The following ELFN1 variants were observed in gnomAD, a reference collection of about 807,000 sequenced individuals.
ELFN1 encodes extracellular leucine rich repeat and fibronectin type III domain containing 1, also known as protein ELFN1.
Under a neutral mutation model 7.6 loss-of-function variants are expected in ELFN1, and 6 were observed. The observed-to-expected ratio is 0.79, with a 90% CI of 0.43 to 1.56. ELFN1 has a LOEUF of 1.56. Ranked by LOEUF, ELFN1 falls within the 40% of genes most tolerant of loss-of-function variation. ELFN1 has a pLI of 0.01. For synonymous variants in ELFN1, 657 were observed against 588.1 expected, an observed-to-expected ratio of 1.12 and a Z score of -1.70; for missense variants, 1,169 against 1,232.2, an observed-to-expected ratio of 0.95 and a Z score of 0.77.
intron 3 of ELFN1, among the ~76,000 whole-genome samples, chr7:1,722,587 G>T (rs573166404): frequency 3.3e-5 from 5 of 152,016 alleles, no homozygotes; most frequent in African/African-American, 9.6e-5. Flanking sequence ...CACTTTTTCA[G>T]TCCAACTTCC....
upstream of ELFN1, among the ~76,000 whole-genome samples, chr7:1,668,114 C>T (rs760056363): frequency 8.9e-4 from 136 of 152,336 alleles, 1 homozygote; most frequent in Non-Finnish European, 1.7e-3. Flanking sequence ...CGGCCCCGCG[C>T]GCGTACCCCT....
chr7:1,717,557 G>T (rs1779872224), intron 3 of ELFN1, among the ~76,000 whole-genome samples: 1 of 152,176 alleles, frequency 6.6e-6, no homozygotes. Flanking sequence ...GCCCCTGGGA[G>T]CCCAGGCCTG....
chr7:1,733,549 C>G (rs1396893476), intron 3 of ELFN1, among the ~76,000 whole-genome samples: 1 of 152,148 alleles, frequency 6.6e-6, no homozygotes. Context: ...TGGAAACATC[C>G]TGGTCACTGA....
chr7:1,697,330 C>T (rs1053499771), intron 2 of ELFN1, among the ~76,000 whole-genome samples: 9 of 152,232 alleles, frequency 5.9e-5, no homozygotes, highest in East Asian at 3.9e-4. Context: ...GAGGAACAGT[C>T]GCGCCCCTGC....
intron 3 of ELFN1, among the ~76,000 whole-genome samples, chr7:1,730,240 C>T (rs576692229): frequency 6.6e-6 from 1 of 152,336 alleles, no homozygotes; most frequent in South Asian, 2.1e-4. Context: ...TGGTGTTTGC[C>T]TGCAGGACTT....
In ELFN1 at chr7:1,745,370, G is replaced by A. The variant is rs544967348; in HGVS notation, c.774G>A (p.Glu258=). The A allele has an allele frequency of 1.6e-4, 253 of 1,539,306 alleles. No individual in the cohort carries two copies. In the African/African-American group the frequency reaches 3.2e-3, roughly 19 times the overall value. The change falls in exon 4 of 4, where the codon GAG becomes GAA. Residue 258 remains glutamate, a synonymous_variant. Coordinates refer to ENST00000424383, the MANE Select transcript of ELFN1 (RefSeq NM_001128636.4). ...GCACCGAGGACTCGTACGCGGCTGA[G>A]GTGGTCGGGCCCCCACGTCCAGCAT... The part of the protein sequence containing the change: ...SVCTEDSYAA[E]VVGPPRPASG...
chr7:1,714,027 G>A (rs1020514821), intron 3 of ELFN1, among the ~76,000 whole-genome samples: 7 of 152,212 alleles, frequency 4.6e-5, no homozygotes, highest in African/African-American at 7.2e-5. Context: ...AGGTCACGCC[G>A]GCTCCCCGAG....
chr7:1,684,577 T>C (rs1779029248), intron 1 of ELFN1, among the ~76,000 whole-genome samples: 1 of 152,232 alleles, frequency 6.6e-6, no homozygotes, highest in East Asian at 1.9e-4. Flanking sequence ...GTAAATACTT[T>C]TCATGTGCCA....
chr7:1,729,337 T>A (rs1016758133), intron 3 of ELFN1, among the ~76,000 whole-genome samples: 1 of 152,218 alleles, frequency 6.6e-6, no homozygotes. Context: ...CAGCTTCTTT[T>A]GCTCAGGGTT....
At chr7:1,670,256 G>A (rs1778737217), upstream of ELFN1, among the ~76,000 whole-genome samples, 1 of 151,746 alleles carries the variant, frequency 6.6e-6, no homozygotes, top group Admixed American at 6.5e-5. This position sits in a 1 kb window ranked among gnomAD's most constrained non-coding sequence, Gnocchi z 6.4. Flanking sequence ...AGATCGATGG[G>A]CGAAGCTGGG....
chr7:1,700,138 G>A (rs1028170740), intron 2 of ELFN1, among the ~76,000 whole-genome samples: 23 of 152,218 alleles, frequency 1.5e-4, no homozygotes, highest in African/African-American at 5.5e-4. Flanking sequence ...AAGTGGGGCT[G>A]CTGGGTGAAA....
At chr7:1,723,988 C>T (rs1280293014) in intron 3 of ELFN1, among the ~76,000 whole-genome samples, 4 of 152,224 alleles carry the variant, frequency 2.6e-5, no homozygotes, top group Non-Finnish European at 4.4e-5. Flanking sequence ...CTGTGAGCCA[C>T]GTGGGATGTG....
intron 2 of ELFN1, among the ~76,000 whole-genome samples, chr7:1,702,402 G>A (rs928210324): frequency 2.7e-5 from 4 of 150,896 alleles, no homozygotes; most frequent in African/African-American, 4.9e-5. Context: ...CATCCTGGGC[G>A]ACAGAACGAG....
intron 2 of ELFN1, among the ~76,000 whole-genome samples, chr7:1,706,287 G>A (rs201398473): frequency 1.3e-5 from 2 of 152,324 alleles, no homozygotes; most frequent in Non-Finnish European, 1.5e-5. Context: ...GCCAGGCATG[G>A]TGGTGGGTGC....
chr7:1,718,944 A>C (rs1779918684), intron 3 of ELFN1, among the ~76,000 whole-genome samples: 1 of 152,124 alleles, frequency 6.6e-6, no homozygotes, highest in East Asian at 1.9e-4. Flanking sequence ...GGTTCTTAGG[A>C]TGGGATGCAC....
At chr7:1,674,691 C>T (rs1396130972) in intron 1 of ELFN1, among the ~76,000 whole-genome samples, 1 of 152,084 alleles carries the variant, frequency 6.6e-6, no homozygotes, top group Non-Finnish European at 1.5e-5. Context: ...AGGACAGACT[C>T]GGGCAGCCAC....
chr7:1,706,200 G>A (rs1437455099), intron 2 of ELFN1, among the ~76,000 whole-genome samples: 1 of 152,196 alleles, frequency 6.6e-6, no homozygotes, highest in Non-Finnish European at 1.5e-5. Context: ...CGAGGTGGGT[G>A]GATCACGAGG....
chr7:1,716,700 A>T (rs568035703), intron 3 of ELFN1, among the ~76,000 whole-genome samples: 1 of 152,248 alleles, frequency 6.6e-6, no homozygotes, highest in Non-Finnish European at 1.5e-5. Context: ...AGCCCCAGTG[A>T]CTCACAGCCA....
intron 1 of ELFN1, among the ~76,000 whole-genome samples, chr7:1,682,608 A>ATTT (rs58388763): frequency 2.0e-4 from 25 of 123,066 alleles, no homozygotes; most frequent in African/African-American, 7.6e-4. Context: ...GCCAGGATAA[A>ATTT]TTTTTTTTTT....
Sources: gnomAD v4.1 joint callset for allele counts (sites outside exome capture counted in the v4.1 genomes callset) on GRCh38, gnomAD v4.1.1 for gene constraint, Gnocchi (gnomAD v3.1) non-coding constraint, MANE v1.5 for transcripts, NCBI Gene and HGNC (gene_info 2026-07-23, HGNC 2026-07-21) for gene names.